CAPN1: variants seen among roughly 807,000 people sequenced by gnomAD.
CAPN1 encodes the protein calpain 1.
A neutral mutation model predicts 105.2 loss-of-function variants in CAPN1; 77 were observed. That is an observed-to-expected ratio of 0.73 (90% CI 0.61 to 0.88). CAPN1 has a LOEUF of 0.88. CAPN1 is among the 40% of genes least tolerant of loss of function. The pLI is 0.00. For missense variants in CAPN1, 833 were observed against 976.6 expected, an observed-to-expected ratio of 0.85 and a Z score of 1.96; for synonymous variants, 355 against 388.8, an observed-to-expected ratio of 0.91 and a Z score of 1.02.
At chr11:65,207,040 G>T (rs1948971344) in intron 14 of CAPN1, among the ~76,000 whole-genome samples, 1 of 152,140 alleles carries the variant, frequency 6.6e-6, no homozygotes, top group Non-Finnish European at 1.5e-5. Context: ...CTCACCCGGT[G>T]GCGGGTTTGT....
chr11:65,182,248 G>T, intron 1 of CAPN1: 1 of 162,618 alleles, frequency 6.1e-6, no homozygotes, highest in Non-Finnish European at 1.3e-5. Context: ...GCCTGAGGAG[G>T]GGGACCCCGA....
At chr11:65,189,050 G>A (rs1303038314) in intron 10 of CAPN1, among the ~76,000 whole-genome samples, 1 of 151,632 alleles carries the variant, frequency 6.6e-6, no homozygotes, top group Non-Finnish European at 1.5e-5. Flanking sequence ...CTGAGACAGA[G>A]TCTCACTCTG....
At chr11:65,205,109 C>T (rs577823410) in intron 11 of CAPN1, among the ~76,000 whole-genome samples, 1 of 152,340 alleles carries the variant, frequency 6.6e-6, no homozygotes, top group South Asian at 2.1e-4. Flanking sequence ...ATTCACCTCA[C>T]GCTTAGAGGG....
chr11:65,199,272 C>T (rs1419866761), intron 10 of CAPN1, among the ~76,000 whole-genome samples: 1 of 152,172 alleles, frequency 6.6e-6, no homozygotes, highest in African/African-American at 2.4e-5. Context: ...ACATTATTTT[C>T]AGCCTCTCAA....
rs535251498 is a variant in CAPN1, at chr11:65,209,759, C to A, written c.1795-90C>A. The A allele has an allele frequency of 7.6e-7, 1 of 1,312,130 alleles. No individual in the cohort carries two copies. The highest frequency in any genetic ancestry group is 1.1e-6 in the Non-Finnish European group (1 of 932,588). The allele number at this position is 1,312,130 out of a possible 1,614,324, so 81.3% of individuals were successfully genotyped here. On this transcript the variant is annotated intron_variant, in intron 17 of 21. Transcript: ENST00000279247. The surrounding 1 kb of genome is among the most constrained non-coding windows in gnomAD (Gnocchi z 4.1). The stretch of plus-strand genomic sequence containing the variant: ...CTCACCCAGCCCCAAGTCGACTTGC[C>A]GGCTCGGCGGCCATCTCCCCTTCTG...
At position 65,188,437 on chromosome 11, in the gene CAPN1, A is replaced by C; in HGVS notation, c.953A>C (p.Asp318Ala). 6.2e-7 allele frequency: 1 copy of C among 1,612,694 alleles called. No individual in the cohort carries two copies. The highest frequency in any genetic ancestry group is 8.5e-7 in the Non-Finnish European group (1 of 1,179,390). ...AGCTCCTCAGAGTGGAACAACGTGG[A>C]CCCATATGAACGGGACCAGCTCCGG... ...SDSSSEWNNV[D>A]PYERDQLRVK... The change falls in exon 9 of 22, where the codon GAC becomes GCC. Residue 318 changes from aspartate (D) to alanine (A), a missense_variant. Coordinates refer to ENST00000279247, the MANE Select transcript of CAPN1 (RefSeq NM_005186.4). The surrounding 1 kb of genome is among the most constrained non-coding windows in gnomAD (Gnocchi z 5.5).
At chr11:65,200,147 T>C (rs1426979282) in intron 10 of CAPN1, among the ~76,000 whole-genome samples, 1 of 152,126 alleles carries the variant, frequency 6.6e-6, no homozygotes. Context: ...CCTCCCAGGC[T>C]CAAGGAATCC....
At chr11:65,181,879 G>C (rs1335142010), upstream of CAPN1, 1 of 170,528 alleles carries the variant, frequency 5.9e-6, no homozygotes, top group Non-Finnish European at 1.3e-5. The surrounding 1 kb of genome is among the most constrained non-coding windows in gnomAD (Gnocchi z 4.6). Flanking sequence ...GAGAAGGAGA[G>C]AGGGAGGGCG....
In CAPN1 at chr11:65,211,669, T is replaced by C. The variant is rs939918262; in HGVS notation, c.*383T>C. On this transcript the variant is annotated 3_prime_UTR_variant, in exon 22 of 22. Coordinates refer to ENST00000279247, the MANE Select transcript of CAPN1 (RefSeq NM_005186.4). ...CTGGCCTTGCCTGCAGACTATAAAC[T>C]ATAACCACTAGCTCGACACAGTCTG... is the stretch of plus-strand genomic sequence containing the variant. 1.0e-5 allele frequency: 3 copies of C among 293,094 alleles called. No individual in the cohort carries two copies. The highest frequency in any genetic ancestry group is 2.0e-5 in the Non-Finnish European group (3 of 149,790). 18.2% of individuals were successfully genotyped at this position (293,094 alleles called of 1,614,324 possible).
In CAPN1 at chr11:65,210,066, T is replaced by C; in HGVS notation, c.1912T>C (p.Tyr638His). ...DLDKSGSMSA[Y>H]EMRMAIESAG... ...GGACAAGTCGGGCAGCATGAGTGCC[T>C]ACGAGATGCGGATGGCCATTGAGTC... The change falls in exon 19 of 22, where the codon TAC becomes CAC. Residue 638 changes from tyrosine to histidine, a missense_variant. Tyr to His is a moderately conservative substitution (Grantham distance 83, BLOSUM62 2). Transcript: ENST00000279247. The surrounding 1 kb of genome is among the most constrained non-coding windows in gnomAD (Gnocchi z 4.3). 1 of 1,612,796 alleles carries C rather than the reference T, an allele frequency of 6.2e-7. No homozygotes were observed. Among genetic ancestry groups the C allele is most frequent in the Non-Finnish European group, 8.5e-7 (1 of 1,179,786 alleles).
intron 10 of CAPN1, among the ~76,000 whole-genome samples, chr11:65,197,966 G>A (rs1948816033): frequency 6.6e-6 from 1 of 150,550 alleles, no homozygotes; most frequent in South Asian, 2.1e-4. Context: ...CACTCACAGT[G>A]ATTAATGCTG....
intron 10 of CAPN1, among the ~76,000 whole-genome samples, chr11:65,193,373 C>G (rs1647715130): frequency 6.6e-6 from 1 of 151,760 alleles, no homozygotes; most frequent in Non-Finnish European, 1.5e-5. Context: ...CTTTATTAAT[C>G]CTGCAAGAAG....
Position 65,208,351 on chromosome 11 carries a change from C to A in CAPN1, c.1729+89C>A. 7.9e-7 allele frequency: 1 copy of A among 1,268,492 alleles called. No homozygotes were observed. Among genetic ancestry groups the A allele is most frequent in the Non-Finnish European group, 1.1e-6 (1 of 890,578 alleles). 78.6% of individuals were successfully genotyped at this position (1,268,492 alleles called of 1,614,324 possible). A position where few individuals can be genotyped will look rare whatever the true frequency, so the allele number is the denominator to read the frequency against. ...GCTCACACATTGAGCTGAACCTCATCCCTTGGTCTGCATGAGTCGGGGAAT... is the reference window on the plus strand; with the variant it reads ...GCTCACACATTGAGCTGAACCTCATACCTTGGTCTGCATGAGTCGGGGAAT... On this transcript the variant is annotated intron_variant, in intron 16 of 21. Transcript: ENST00000279247. This position sits in a 1 kb window ranked among gnomAD's most constrained non-coding sequence, Gnocchi z 4.1.
rs949425666 is a variant in CAPN1, at chr11:65,209,367, A to C, written c.1774A>C (p.Ser592Arg). ...GGGCTTCAGCCTAGAGTCGTGCCGCAGCATGGTGAACCTCATGGATGTATC... is the reference window on the plus strand; with the variant it reads ...GGGCTTCAGCCTAGAGTCGTGCCGCCGCATGGTGAACCTCATGGATGTATC... ...TKGFSLESCR[S>R]MVNLMDRDGN... Residue 592 changes from serine (S) to arginine (R), a missense_variant, in exon 17 of 22, where the codon AGC becomes CGC. Coordinates refer to ENST00000279247, the MANE Select transcript of CAPN1 (RefSeq NM_005186.4). The surrounding 1 kb of genome is among the most constrained non-coding windows in gnomAD (Gnocchi z 4.1). 6.2e-7 allele frequency: 1 copy of C among 1,613,790 alleles called. No individual in the cohort carries two copies. Among genetic ancestry groups the C allele is most frequent in the Non-Finnish European group, 8.5e-7 (1 of 1,179,768 alleles).
Position 65,182,732 on chromosome 11 carries a change from T to C in CAPN1, c.31T>C (p.Cys11Arg), listed in dbSNP as rs1335154120. Residue 11 changes from cysteine (C) to arginine (R), a missense_variant, in exon 2 of 22, where the codon TGC becomes CGC. Cys to Arg is a radical substitution (Grantham distance 180). Coordinates refer to ENST00000279247, the MANE Select transcript of CAPN1 (RefSeq NM_005186.4). MSEEIITPVY[C>R]TGVSAQVQKQ... is the part of the protein sequence containing the mutation. ...GGAGGAGATCATCACGCCGGTGTACTGCACTGGGGTGTCAGCCCAAGTGCA... is the reference window on the plus strand; with the variant it reads ...GGAGGAGATCATCACGCCGGTGTACCGCACTGGGGTGTCAGCCCAAGTGCA... 3 of 1,581,244 alleles carry C rather than the reference T, an allele frequency of 1.9e-6. No homozygotes were observed. In the South Asian group the frequency reaches 3.5e-5, roughly 18 times the overall value.
intron 4 of CAPN1, among the ~76,000 whole-genome samples, chr11:65,184,017 A>G (rs1027418892): frequency 2.6e-5 from 4 of 152,174 alleles, no homozygotes; most frequent in Admixed American, 1.3e-4. Context: ...TGAGCCCAGC[A>G]GAAAAGAAAG....
Position 65,210,205 on chromosome 11 carries a change from C to A in CAPN1, c.1942+109C>A. 2 of 1,158,964 alleles carry A rather than the reference C, an allele frequency of 1.7e-6. No homozygotes were observed. The highest frequency in any genetic ancestry group is 1.3e-5 in the South Asian group (1 of 79,490). 71.8% of individuals were successfully genotyped at this position (1,158,964 alleles called of 1,614,324 possible). On this transcript the variant is annotated intron_variant, in intron 19 of 21. Coordinates refer to ENST00000279247, the MANE Select transcript of CAPN1 (RefSeq NM_005186.4). The surrounding 1 kb of genome is among the most constrained non-coding windows in gnomAD (Gnocchi z 4.3). ...GTGCTAGTGGTGACATGGTAACAGC[C>A]ATCTTGTCCTTTTCCCCACGGTTAC...
rs1456786646 is a variant in CAPN1 at position 65,186,255 on chromosome 11, G to A, written c.676G>A (p.Glu226Lys). 8 of 1,613,560 alleles carry A rather than the reference G, an allele frequency of 5.0e-6. No homozygotes were observed. The highest frequency in any genetic ancestry group is 2.7e-5 in the African/African-American group (2 of 74,992). ...CACAGGCGGGGTTACCGAGTGGTAC[G>A]AGTTGCGCAAGGCTCCCAGTGACCT... ...DFTGGVTEWY[E>K]LRKAPSDLYQ... Residue 226 changes from glutamate (E) to lysine (K), a missense_variant, in exon 6 of 22, where the codon GAG (glutamate) becomes AAG (lysine). Coordinates refer to ENST00000279247, the MANE Select transcript of CAPN1 (RefSeq NM_005186.4).
intron 14 of CAPN1, 49 bp downstream of exon 14, chr11:65,206,868 CT>C (rs1357698894): frequency 3.2e-6 from 5 of 1,563,080 alleles, no homozygotes; most frequent in Non-Finnish European, 4.4e-6. Flanking sequence ...TTCCTCACCC[CT>C]GGGTGTGTGA....
Sources: allele counts gnomAD v4.1 joint callset (sites outside exome capture counted in the v4.1 genomes callset), GRCh38; gene constraint gnomAD v4.1.1; non-coding constraint Gnocchi (gnomAD v3.1); transcripts MANE v1.5; gene names NCBI Gene and HGNC (gene_info 2026-07-23, HGNC 2026-07-21).